NXPE2: variants seen among roughly 807,000 people sequenced by gnomAD.
NXPE2 encodes NXPE family member 2.
NXPE2 carries 34 observed loss-of-function variants against 34.4 expected under a neutral mutation model. The observed-to-expected ratio is 0.99, with a 90% CI of 0.75 to 1.31. NXPE2 has a LOEUF of 1.31. Ranked by LOEUF, NXPE2 falls within the 40% of genes most tolerant of loss-of-function variation. NXPE2 has a pLI of 0.00. For synonymous variants in NXPE2, 235 were observed against 231.3 expected (o/e 1.02, Z -0.15); for missense variants, 649 against 672.5 (o/e 0.97, Z 0.39).
At chr11:114,468,093 C>T in the NXPE2 span, among the ~76,000 whole-genome samples, 3 of 144,544 alleles carry the variant, frequency 2.1e-5, no homozygotes, top group African/African-American at 7.7e-5. Flanking sequence ...TCTTGGGCCA[C>T]ACATAAAATA....
the NXPE2 span, among the ~76,000 whole-genome samples, chr11:114,618,454 A>G: frequency 1.3e-5 from 2 of 151,006 alleles, no homozygotes; most frequent in Non-Finnish European, 3.0e-5. Flanking sequence ...GTATTGCCTC[A>G]TGGGTAACCA....
the NXPE2 span, among the ~76,000 whole-genome samples, chr11:114,764,864 A>G: frequency 9.7e-4 from 147 of 152,226 alleles, 1 homozygote; most frequent in African/African-American, 3.4e-3. Context: ...CATCTTTGTG[A>G]ACATCTAATG....
At chr11:114,787,073 C>G in the NXPE2 span, among the ~76,000 whole-genome samples, 1 of 152,202 alleles carries the variant, frequency 6.6e-6, no homozygotes, top group Non-Finnish European at 1.5e-5. Context: ...GGCCTCTTCT[C>G]CCTGCATACT....
the NXPE2 span, among the ~76,000 whole-genome samples, chr11:114,499,330 T>C: frequency 6.6e-6 from 1 of 152,170 alleles, no homozygotes; most frequent in Non-Finnish European, 1.5e-5. Flanking sequence ...TTGGATGTAT[T>C]TATCAAATCT....
chr11:114,632,126 T>G, the NXPE2 span, among the ~76,000 whole-genome samples: 1 of 144,114 alleles, frequency 6.9e-6, no homozygotes, highest in Admixed American at 7.2e-5. Flanking sequence ...TATATTATAA[T>G]AAAATATATT....
chr11:114,762,028 A>G, the NXPE2 span, among the ~76,000 whole-genome samples: 1 of 152,234 alleles, frequency 6.6e-6, no homozygotes, highest in Non-Finnish European at 1.5e-5. Context: ...TAACGTGTAA[A>G]CTCAGAAGTA....
chr11:114,787,139 T>C, the NXPE2 span, among the ~76,000 whole-genome samples: 3 of 152,050 alleles, frequency 2.0e-5, no homozygotes, highest in Non-Finnish European at 4.4e-5. Context: ...CTGACAAGTT[T>C]ATCAAGTTGA....
At chr11:114,774,950 T>C in the NXPE2 span, among the ~76,000 whole-genome samples, 1 of 152,246 alleles carries the variant, frequency 6.6e-6, no homozygotes, top group African/African-American at 2.4e-5. Context: ...TGCCTTGATA[T>C]GCTATCAATT....
chr11:114,656,091 A>G, the NXPE2 span, among the ~76,000 whole-genome samples: 1 of 152,170 alleles, frequency 6.6e-6, no homozygotes, highest in Non-Finnish European at 1.5e-5. Context: ...CTCAGGATAC[A>G]AAAATCAATG....
At chr11:114,702,429 A>G (rs1295552242) in intron 3 of NXPE2, among the ~76,000 whole-genome samples, 2 of 152,198 alleles carry the variant, frequency 1.3e-5, no homozygotes, top group Non-Finnish European at 2.9e-5. Flanking sequence ...ATGGGAGAAT[A>G]GAGGTTTGGT....
At chr11:114,621,244 G>C in the NXPE2 span, among the ~76,000 whole-genome samples, 2 of 151,554 alleles carry the variant, frequency 1.3e-5, no homozygotes, top group Non-Finnish European at 3.0e-5. Context: ...CAGTTACCCG[G>C]TGGATAATAC....
At chr11:114,551,367 C>T in the NXPE2 span, 3 of 1,404,318 alleles carry the variant, frequency 2.1e-6, no homozygotes, top group South Asian at 1.6e-5. Flanking sequence ...CTCATACCCC[C>T]AATCCCTTTG....
chr11:114,786,013 C>T, the NXPE2 span, among the ~76,000 whole-genome samples: 1 of 152,150 alleles, frequency 6.6e-6, no homozygotes, highest in African/African-American at 2.4e-5. Context: ...GGCAGAGTGC[C>T]AAGTCCTTCC....
At chr11:114,636,347 T>G in the NXPE2 span, among the ~76,000 whole-genome samples, 1 of 151,928 alleles carries the variant, frequency 6.6e-6, no homozygotes. Context: ...ATTTGATTCT[T>G]CTCTCTTTTT....
chr11:114,674,009 C>A (rs187787517), upstream of NXPE2, among the ~76,000 whole-genome samples: 1 of 151,748 alleles, frequency 6.6e-6, no homozygotes, highest in East Asian at 1.9e-4. Context: ...GAAATCACCC[C>A]AAAGATGATG....
chr11:114,720,686 A>T, the NXPE2 span, among the ~76,000 whole-genome samples: 1 of 152,232 alleles, frequency 6.6e-6, no homozygotes, highest in Admixed American at 6.5e-5. Flanking sequence ...GATGTGTTGA[A>T]ATGATTATAG....
the NXPE2 span, among the ~76,000 whole-genome samples, chr11:114,577,973 C>G: frequency 4.6e-5 from 7 of 152,244 alleles, no homozygotes; most frequent in South Asian, 1.5e-3. Context: ...ATCCATTCAC[C>G]TCAAGGATCC....
At chr11:114,625,493 G>A in the NXPE2 span, among the ~76,000 whole-genome samples, 81 of 152,000 alleles carry the variant, frequency 5.3e-4, no homozygotes, top group African/African-American at 1.8e-3. Flanking sequence ...GTATGGCCTC[G>A]TGGGTAACCA....
chr11:114,580,081 G>A, the NXPE2 span: 3 of 1,453,252 alleles, frequency 2.1e-6, no homozygotes, highest in Non-Finnish European at 2.9e-6. Context: ...CTTTGAAATG[G>A]AAAAGAAGTT....
Sources: allele counts gnomAD v4.1 joint callset (sites outside exome capture counted in the v4.1 genomes callset), GRCh38; gene constraint gnomAD v4.1.1; transcripts MANE v1.5; gene names NCBI Gene and HGNC (gene_info 2026-07-23, HGNC 2026-07-21).